Variants in DNAH7 observed in about 807,000 individuals in gnomAD.
DNAH7 encodes the protein axonemal beta dynein heavy chain 7.
A neutral mutation model predicts 444.6 loss-of-function variants in DNAH7; 397 were observed. The observed-to-expected ratio is 0.89, with a 90% CI of 0.82 to 0.97. The LOEUF (loss-of-function observed/expected upper bound fraction) is 0.97. Ranked by LOEUF, DNAH7 falls within the 50% of genes least tolerant of loss-of-function variation. The pLI is 0.00. For synonymous variants in DNAH7, 1,636 were observed against 1,624.4 expected (o/e 1.01, Z -0.17); for missense variants, 4,902 against 4,800.8 (o/e 1.02, Z -0.62).
chr2:196,060,706 C>T (rs963560474), intron 1 of DNAH7, among the ~76,000 whole-genome samples: 2 of 152,182 alleles, frequency 1.3e-5, no homozygotes, highest in African/African-American at 4.8e-5. Context: ...AGAATGTTCT[C>T]CAGTGAGGTA....
chr2:195,867,491 T>C (rs1700412763), intron 40 of DNAH7, among the ~76,000 whole-genome samples: 1 of 152,110 alleles, frequency 6.6e-6, no homozygotes, highest in African/African-American at 2.4e-5. Flanking sequence ...GAATACAGAA[T>C]CAGAATATTC....
intron 24 of DNAH7, among the ~76,000 whole-genome samples, chr2:195,918,198 T>C (rs1208057840): frequency 6.6e-6 from 1 of 152,222 alleles, no homozygotes; most frequent in Non-Finnish European, 1.5e-5. Context: ...CTCAGCATCA[T>C]ATATCATTAG....
intron 21 of DNAH7, 89 bp from the exon 22 acceptor site, chr2:195,926,655 G>T: frequency 1.7e-6 from 2 of 1,173,236 alleles, no homozygotes; most frequent in Non-Finnish European, 2.3e-6. Flanking sequence ...AATTCATACT[G>T]CTCAATTTTT....
intron 13 of DNAH7, among the ~76,000 whole-genome samples, chr2:195,987,576 T>G (rs983267653): frequency 6.6e-6 from 1 of 151,938 alleles, no homozygotes; most frequent in African/African-American, 2.4e-5. Context: ...GAAAAGAAAA[T>G]TTTAAGTTAC....
intron 9 of DNAH7, 79 bp downstream of exon 9, chr2:196,019,091 A>G: frequency 7.8e-7 from 1 of 1,288,686 alleles, no homozygotes; most frequent in East Asian, 2.8e-5. Flanking sequence ...CAGTTAAAAT[A>G]GTAAAAGAAA....
chr2:195,883,402 C>A (rs1047577418), intron 35 of DNAH7, among the ~76,000 whole-genome samples: 4 of 151,684 alleles, frequency 2.6e-5, no homozygotes, highest in African/African-American at 7.3e-5. Context: ...GAGCCGAGAT[C>A]GTGCCACTGC....
In DNAH7 at chr2:195,805,853, G is replaced by A. The variant is rs1305215883; in HGVS notation, c.10176+887C>T. Among the ~76,000 whole-genome samples the A allele has an allele frequency of 4.6e-5, 7 of 152,108 alleles. No individual in the cohort carries two copies. The South Asian group carries it at 1.0e-3, about 23-fold the overall frequency. ...TTACATGTGTTCAGTGAACAGAGTA[G>A]GGCTCATAGAGGGAAAAATGCCCCT... On this transcript the variant is annotated intron_variant, in intron 54 of 64. Coordinates refer to ENST00000312428, the MANE Select transcript of DNAH7 (RefSeq NM_018897.3).
chr2:195,878,055 T>C (rs1034620650), intron 36 of DNAH7, among the ~76,000 whole-genome samples: 1 of 152,210 alleles, frequency 6.6e-6, no homozygotes, highest in Non-Finnish European at 1.5e-5. Context: ...AACAAGTTAT[T>C]CTATTTATTT....
intron 5 of DNAH7, among the ~76,000 whole-genome samples, chr2:196,046,768 A>G (rs1357143393): frequency 7.4e-6 from 1 of 135,934 alleles, no homozygotes; most frequent in Admixed American, 6.9e-5. Context: ...TACTTACCAC[A>G]ATGGGTCATG....
chr2:195,904,622 T>C (rs546730240), intron 27 of DNAH7: 2 of 152,278 alleles, frequency 1.3e-5, no homozygotes, highest in Admixed American at 1.3e-4. Flanking sequence ...GGGGAATTCA[T>C]TATAATGAAT....
chr2:195,827,302 G>A (rs1450836655), intron 48 of DNAH7, among the ~76,000 whole-genome samples: 1 of 152,076 alleles, frequency 6.6e-6, no homozygotes, highest in Non-Finnish European at 1.5e-5. Context: ...TTGAGATGGG[G>A]TCTCACTCTG....
chr2:196,063,306 A>G (rs1314994014), intron 1 of DNAH7: 1 of 152,246 alleles, frequency 6.6e-6, no homozygotes, highest in African/African-American at 2.4e-5. Context: ...ACCTGCTGCC[A>G]CTAGAACTGC....
At chr2:195,898,577 G>A (rs964114051) in intron 28 of DNAH7, among the ~76,000 whole-genome samples, 2 of 152,138 alleles carry the variant, frequency 1.3e-5, no homozygotes, top group African/African-American at 4.8e-5. Flanking sequence ...ACGTGTCCAA[G>A]CGGCTTCAAA....
intron 24 of DNAH7, among the ~76,000 whole-genome samples, chr2:195,910,735 T>C (rs1236484204): frequency 6.6e-6 from 1 of 152,100 alleles, no homozygotes; most frequent in Non-Finnish European, 1.5e-5. Flanking sequence ...TCCACCTATA[T>C]AAATCTAGAA....
chr2:195,754,609 C>G, intron 62 of DNAH7, 95 bp from the exon 63 acceptor site: 1 of 1,270,976 alleles, frequency 7.9e-7, no homozygotes, highest in Non-Finnish European at 1.1e-6. Flanking sequence ...AGGCAGGGCT[C>G]AGGTGATCCT....
intron 48 of DNAH7, among the ~76,000 whole-genome samples, chr2:195,828,147 A>G (rs1389777786): frequency 6.6e-6 from 1 of 152,210 alleles, no homozygotes; most frequent in African/African-American, 2.4e-5. Context: ...AAATTGACGC[A>G]TCTTAAAAAA....
At chr2:196,062,121 C>A (rs1451734549) in intron 1 of DNAH7, among the ~76,000 whole-genome samples, 2 of 152,294 alleles carry the variant, frequency 1.3e-5, no homozygotes, top group East Asian at 1.9e-4. Context: ...TTAAAACATT[C>A]TTTTCTCTGA....
At chr2:195,814,383 A>G (rs1415532223) in intron 51 of DNAH7, among the ~76,000 whole-genome samples, 1 of 152,186 alleles carries the variant, frequency 6.6e-6, no homozygotes, top group African/African-American at 2.4e-5. Context: ...GGTAAAAAGG[A>G]TTTGCTTTTC....
chr2:195,957,470 TCTTA>T (rs748297361), intron 18 of DNAH7, 23 bp from the exon 19 acceptor site: 1 of 1,474,576 alleles, frequency 6.8e-7, no homozygotes, highest in South Asian at 1.5e-5. Context: ...ACACAGTGGC[TCTTA>T]CTGACAGCAA....
Sources: gnomAD v4.1 joint callset for allele counts (sites outside exome capture counted in the v4.1 genomes callset) on GRCh38, gnomAD v4.1.1 for gene constraint, MANE v1.5 for transcripts, NCBI Gene and HGNC (gene_info 2026-07-23, HGNC 2026-07-21) for gene names.